The following NWD1 variants were observed in gnomAD, a reference collection of about 807,000 sequenced individuals.
NWD1 encodes NACHT and WD repeat domain containing 1.
In NWD1, 129 loss-of-function variants were observed where a neutral mutation model predicts 135.1. The ratio of observed to expected loss-of-function variants is 0.96; its 90% CI spans 0.83 to 1.11. The LOEUF (loss-of-function observed/expected upper bound fraction) is 1.11, where lower values mean the gene tolerates loss of function less well. Among genes scored for constraint, NWD1 ranks in the 50% least tolerant of loss-of-function variants. The pLI, the probability that NWD1 is intolerant of heterozygous loss-of-function variation, is 0.00. For synonymous variants in NWD1, 773 were observed against 786.0 expected (o/e 0.98, Z 0.28); for missense variants, 1,740 against 1,851.3 (o/e 0.94, Z 1.10).
rs568003801 is a variant in NWD1 at position 16,800,081 on chromosome 19, G to A, written c.3655G>A (p.Ala1219Thr). 1.1e-5 allele frequency: 18 copies of A among 1,614,084 alleles called. No homozygotes were observed. Among genetic ancestry groups the A allele is most frequent in the African/African-American group, 2.7e-5 (2 of 75,060 alleles). Residue 1219 changes from alanine to threonine, a missense_variant, in exon 17 of 19, where the codon GCA becomes ACA. By Grantham distance (58) the Ala-to-Thr change is moderately conservative. Coordinates refer to ENST00000524140, the MANE Select transcript of NWD1 (RefSeq NM_001007525.5). ...ATTTCTGGACCGCACCGGCCTCACC[G>A]CAGTGTCCCACAATGGAAGCTACGT... ...APFLDRTGLT[A>T]VSHNGSYVYF...
intron 3 of NWD1, among the ~76,000 whole-genome samples, chr19:16,734,506 G>A (rs554825925): frequency 4.0e-5 from 6 of 149,554 alleles, no homozygotes; most frequent in African/African-American, 7.4e-5. Context: ...CTGCACTCCA[G>A]CCTGGGTGAT....
intron 8 of NWD1, 91 bp from the exon 9 acceptor site, chr19:16,763,737 T>G: frequency 1.2e-6 from 1 of 827,250 alleles, no homozygotes. Flanking sequence ...ACTCCAGCAC[T>G]GTCTGGAGCA....
intron 15 of NWD1, among the ~76,000 whole-genome samples, chr19:16,795,414 C>T (rs1406561817): frequency 6.8e-6 from 1 of 147,292 alleles, no homozygotes; most frequent in Admixed American, 6.7e-5. Flanking sequence ...GTGCTAATTA[C>T]CTTTTTTTTT....
chr19:16,743,330 C>A (rs1968164176), intron 4 of NWD1, among the ~76,000 whole-genome samples: 1 of 152,112 alleles, frequency 6.6e-6, no homozygotes, highest in Non-Finnish European at 1.5e-5. Context: ...CCAGCCTCAG[C>A]CTCCTGAGTA....
intron 3 of NWD1, among the ~76,000 whole-genome samples, chr19:16,735,688 G>A (rs935997963): frequency 2.6e-5 from 4 of 151,840 alleles, no homozygotes; most frequent in Non-Finnish European, 4.4e-5. Context: ...AAATTAGCCA[G>A]GCATGGTGGT....
intron 12 of NWD1, among the ~76,000 whole-genome samples, chr19:16,780,395 A>G (rs1018144471): frequency 2.0e-5 from 3 of 152,056 alleles, no homozygotes; most frequent in Admixed American, 6.6e-5. Flanking sequence ...TGACCTTGTG[A>G]TCCACCCACC....
chr19:16,726,164 A>T (rs1967320916), intron 2 of NWD1, among the ~76,000 whole-genome samples: 1 of 149,418 alleles, frequency 6.7e-6, no homozygotes, highest in Non-Finnish European at 1.5e-5. Flanking sequence ...GTTTCTCCAC[A>T]TTGGTCAGGC....
chr19:16,806,170 G>T (rs571935504), intron 17 of NWD1, among the ~76,000 whole-genome samples: 1 of 152,244 alleles, frequency 6.6e-6, no homozygotes, highest in South Asian at 2.1e-4. Flanking sequence ...ACCACGCCCT[G>T]CCATTAACAG....
chr19:16,727,985 T>C (rs1967396777), intron 2 of NWD1, among the ~76,000 whole-genome samples: 1 of 151,014 alleles, frequency 6.6e-6, no homozygotes, highest in Admixed American at 6.6e-5. Flanking sequence ...TCCCTGAACC[T>C]GGGAGGCAGA....
rs149016205 is a variant in NWD1, at chr19:16,815,126, C to T, written c.*87C>T. On this transcript the variant is annotated 3_prime_UTR_variant, in exon 19 of 19. Coordinates refer to ENST00000524140, the MANE Select transcript of NWD1 (RefSeq NM_001007525.5). ...CCCCACCAGGCATGGTTATCTGATCCGAGAGAATTTCCAGTGCCTTTCAGC... is the reference window on the plus strand; with the variant it reads ...CCCCACCAGGCATGGTTATCTGATCTGAGAGAATTTCCAGTGCCTTTCAGC... 95 of 1,369,988 alleles carry T rather than the reference C, an allele frequency of 6.9e-5. No homozygotes were observed. The highest frequency in any genetic ancestry group is 8.8e-5 in the Non-Finnish European group (84 of 957,280). The allele number at this position is 1,369,988 out of a possible 1,614,324, so 84.9% of individuals were successfully genotyped here.
intron 13 of NWD1, 87 bp downstream of exon 13, chr19:16,789,277 C>G: frequency 9.8e-7 from 1 of 1,020,070 alleles, no homozygotes; most frequent in Non-Finnish European, 1.5e-6. Context: ...GGAGGGCTCC[C>G]TGATACAGTG....
At chr19:16,760,468 C>T (rs1203313351) in intron 7 of NWD1, among the ~76,000 whole-genome samples, 1 of 151,914 alleles carries the variant, frequency 6.6e-6, no homozygotes, top group Non-Finnish European at 1.5e-5. Flanking sequence ...CCACATTGCC[C>T]AGGCTGGTCT....
At chr19:16,776,773 T>TAAAA (rs554653148) in intron 11 of NWD1, among the ~76,000 whole-genome samples, 2 of 66,462 alleles carry the variant, frequency 3.0e-5, no homozygotes, top group African/African-American at 1.1e-4. Context: ...TACAAAAAGT[T>TAAAA]AAAAAAAAAA....
At position 16,730,732 on chromosome 19, in the gene NWD1, T is replaced by A. The variant is rs148007496; in HGVS notation, c.-6-460T>A. On this transcript the variant is annotated intron_variant, in intron 2 of 18. Transcript: ENST00000524140. ...ACCTGTCCCTTAAAAAACATTTTTT[T>A]AAAAATATATACAGGGCTGGGTATG... Among the ~76,000 whole-genome samples the A allele has an allele frequency of 1.1e-3, 167 of 151,786 alleles. No individual in the cohort carries two copies. The East Asian group carries it at 0.019, about 17-fold the overall frequency.
chr19:16,744,837 C>A, intron 5 of NWD1, 119 bp downstream of exon 5: 1 of 817,666 alleles, frequency 1.2e-6, no homozygotes, highest in South Asian at 1.5e-5. Context: ...CCAAACCAGT[C>A]AACCTCTGGT....
chr19:16,810,437 CAAAAAAAAAAAA>C (rs529841524), intron 18 of NWD1, among the ~76,000 whole-genome samples: 2 of 66,296 alleles, frequency 3.0e-5, no homozygotes, highest in African/African-American at 1.1e-4. Flanking sequence ...GACTCCATCT[CAAAAAAAAAAAA>C]AAAAAAAAGA....
intron 4 of NWD1, among the ~76,000 whole-genome samples, chr19:16,739,160 A>G (rs1180902495): frequency 6.9e-6 from 1 of 144,692 alleles, no homozygotes; most frequent in East Asian, 2.0e-4. Flanking sequence ...TTTTCAAAGG[A>G]GCCCAATGAT....
At position 16,797,870 on chromosome 19, in the gene NWD1, T is replaced by C; in HGVS notation, c.3443T>C (p.Leu1148Pro). 3.7e-6 allele frequency: 6 copies of C among 1,613,772 alleles called. No homozygotes were observed. The highest frequency in any genetic ancestry group is 4.2e-6 in the Non-Finnish European group (5 of 1,179,726). ...TENNLIITGS[L>P]DALIQVWSLS... Reference sequence around the variant, plus strand: ...AACAACCTGATCATCACGGGGTCCCTTGATGCGCTCATTCAGGTGAGGGGA... The same window carrying C: ...AACAACCTGATCATCACGGGGTCCCCTGATGCGCTCATTCAGGTGAGGGGA... The change falls in exon 16 of 19, where the codon CTT (leucine) becomes CCT (proline). Residue 1148 changes from leucine to proline, a missense_variant. By Grantham distance (98) the Leu-to-Pro change is moderately conservative. Coordinates refer to ENST00000524140, the MANE Select transcript of NWD1 (RefSeq NM_001007525.5).
chr19:16,729,697 C>T (rs1967478645), intron 2 of NWD1, among the ~76,000 whole-genome samples: 1 of 151,450 alleles, frequency 6.6e-6, no homozygotes, highest in African/African-American at 2.4e-5. Flanking sequence ...GGTGAAACCC[C>T]GTCTCTACTA....
Sources: allele counts gnomAD v4.1 joint callset (sites outside exome capture counted in the v4.1 genomes callset), GRCh38; gene constraint gnomAD v4.1.1; transcripts MANE v1.5; gene names NCBI Gene and HGNC (gene_info 2026-07-23, HGNC 2026-07-21).